Variants in RTN4 observed in about 807,000 individuals in gnomAD.
RTN4 encodes reticulon-4.
A neutral mutation model predicts 90.4 loss-of-function variants in RTN4; 32 were observed. The observed-to-expected ratio is 0.35, with a 90% CI of 0.27 to 0.48. The LOEUF (loss-of-function observed/expected upper bound fraction) is 0.48. Ranked by LOEUF, RTN4 falls within the 20% of genes least tolerant of loss-of-function variation. The pLI is 0.99. For missense variants in RTN4, 1,706 were observed against 1,430.2 expected (o/e 1.19, Z -3.11); for synonymous variants, 629 against 552.5 (o/e 1.14, Z -1.94).
intron 1 of RTN4, among the ~76,000 whole-genome samples, chr2:55,106,589 G>A (rs190945674): frequency 2.8e-4 from 43 of 151,986 alleles, no homozygotes; most frequent in East Asian, 1.4e-3. Context: ...GCGTGATCTC[G>A]GCTCACTGCA....
intron 1 of RTN4, among the ~76,000 whole-genome samples, chr2:55,087,351 G>C (rs1668859871): frequency 6.6e-6 from 1 of 152,186 alleles, no homozygotes; most frequent in Non-Finnish European, 1.5e-5. Context: ...GAGATTTCCA[G>C]TTGTTCCACT....
intron 5 of RTN4, among the ~76,000 whole-genome samples, chr2:54,978,696 G>A (rs2104622768): frequency 6.6e-6 from 1 of 152,062 alleles, no homozygotes; most frequent in East Asian, 1.9e-4. Context: ...CATTTTCCTA[G>A]CTATGAATCA....
chr2:54,993,817 A>G (rs191728645), intron 3 of RTN4, among the ~76,000 whole-genome samples: 71 of 152,334 alleles, frequency 4.7e-4, no homozygotes, highest in Middle Eastern at 3.4e-3. Flanking sequence ...AGTCACACAT[A>G]AGATAATATG....
chr2:55,038,858 C>G (rs1682869453), intron 1 of RTN4, among the ~76,000 whole-genome samples: 1 of 152,136 alleles, frequency 6.6e-6, no homozygotes, highest in Non-Finnish European at 1.5e-5. Flanking sequence ...TCCAAACATC[C>G]AACGAGTGAA....
At chr2:55,122,141 G>A in the RTN4 span, among the ~76,000 whole-genome samples, 23 of 151,932 alleles carry the variant, frequency 1.5e-4, no homozygotes, top group Admixed American at 4.6e-4. Flanking sequence ...GCCCCCTCTA[G>A]ATAATTTTTG....
At chr2:55,104,901 G>A (rs931989745) in intron 1 of RTN4, among the ~76,000 whole-genome samples, 1 of 151,742 alleles carries the variant, frequency 6.6e-6, no homozygotes, top group African/African-American at 2.4e-5. Flanking sequence ...CAACCTCTCG[G>A]GCTCAAGCGA....
At chr2:55,132,904 T>A in the RTN4 span, among the ~76,000 whole-genome samples, 44,288 of 149,768 alleles carry the variant, frequency 0.3, 7,409 homozygotes, top group African/African-American at 0.43. Flanking sequence ...TTGTTTTTTT[T>A]AATTATTATT....
chr2:55,069,205 GAA>G (rs918862129), intron 2 of RTN4, among the ~76,000 whole-genome samples: 8 of 152,118 alleles, frequency 5.3e-5, no homozygotes, highest in Admixed American at 5.2e-4. Context: ...ACCTAGCTCA[GAA>G]AAAAACCTAA....
chr2:54,998,660 A>G (rs1372351263), intron 3 of RTN4, among the ~76,000 whole-genome samples: 4 of 152,182 alleles, frequency 2.6e-5, no homozygotes, highest in Admixed American at 6.5e-5. Context: ...TTATATTCCC[A>G]TTACCTACAT....
intron 2 of RTN4, among the ~76,000 whole-genome samples, chr2:55,058,227 C>T (rs1475843085): frequency 6.6e-6 from 1 of 152,058 alleles, no homozygotes; most frequent in East Asian, 1.9e-4. Flanking sequence ...AATTAATCTT[C>T]TATTCTTTAG....
intron 3 of RTN4, among the ~76,000 whole-genome samples, chr2:55,011,005 G>C (rs190765406): frequency 1.4e-4 from 21 of 152,206 alleles, no homozygotes; most frequent in Non-Finnish European, 2.6e-4. Flanking sequence ...ATGGGAAAAT[G>C]ACATAAAAGC....
At position 55,108,470 on chromosome 2, in the gene RTN4, T is replaced by C. The variant is rs115749111; in HGVS notation, c.-214+4050A>G. Among the ~76,000 whole-genome samples, 163 of 152,074 alleles carry C rather than the reference T, an allele frequency of 1.1e-3. 2 individuals are homozygous for C. The highest frequency in any genetic ancestry group is 3.7e-3 in the African/African-American group (154 of 41,432). On this transcript the variant is annotated intron_variant, in intron 1 of 3. Transcript: ENST00000427710. ...GAATTCCACTCAGGGTGAATGATAA[T>C]ATTGAGAACTGAGGGTTTAGTAGGT...
the RTN4 span, among the ~76,000 whole-genome samples, chr2:55,130,766 T>G: frequency 6.6e-6 from 1 of 152,118 alleles, no homozygotes; most frequent in Non-Finnish European, 1.5e-5. Context: ...GAGAGGTAAT[T>G]TGCCTGAGGT....
chr2:55,046,613 T>C (rs1667750522), intron 1 of RTN4, among the ~76,000 whole-genome samples: 1 of 152,226 alleles, frequency 6.6e-6, no homozygotes, highest in Non-Finnish European at 1.5e-5. Context: ...TTTATTTATG[T>C]GCTTATTATC....
the RTN4 span, among the ~76,000 whole-genome samples, chr2:55,135,632 T>A: frequency 6.6e-6 from 1 of 152,176 alleles, no homozygotes; most frequent in East Asian, 1.9e-4. Context: ...ACTTGGTAAG[T>A]TTTGACATGT....
Position 55,058,903 on chromosome 2 carries a change from T to G in RTN4, c.-63+21586A>C, listed in dbSNP as rs190998219. Reference sequence around the variant, plus strand: ...AATTATAATAATAGAGAGGAGGGTCTCACTGTGTTGCCCAGGTTGGTCTTG... The same window carrying G: ...AATTATAATAATAGAGAGGAGGGTCGCACTGTGTTGCCCAGGTTGGTCTTG... On this transcript the variant is annotated intron_variant, in intron 2 of 3. Coordinates refer to the RTN4 transcript ENST00000427710. Among the ~76,000 whole-genome samples the G allele has an allele frequency of 7.2e-5, 11 of 152,242 alleles. No individual in the cohort carries two copies. The East Asian group carries it at 2.1e-3, about 29-fold the overall frequency.
chr2:55,000,621 A>G (rs990148041), intron 3 of RTN4, among the ~76,000 whole-genome samples: 2 of 152,198 alleles, frequency 1.3e-5, no homozygotes, highest in Non-Finnish European at 2.9e-5. Context: ...TATCTGCATT[A>G]CATATGTGAT....
chr2:55,098,423 C>T (rs763771379), intron 1 of RTN4, among the ~76,000 whole-genome samples: 1 of 151,934 alleles, frequency 6.6e-6, no homozygotes, highest in Non-Finnish European at 1.5e-5. Flanking sequence ...TAATAATAAA[C>T]CTCCAAATAC....
At chr2:54,988,469 T>G (rs981568711) in intron 3 of RTN4, among the ~76,000 whole-genome samples, 1 of 152,166 alleles carries the variant, frequency 6.6e-6, no homozygotes, top group East Asian at 1.9e-4. Flanking sequence ...AGAAAATAAA[T>G]TTAAAAAGGC....
Sources: gnomAD v4.1 joint callset for allele counts (sites outside exome capture counted in the v4.1 genomes callset) on GRCh38, gnomAD v4.1.1 for gene constraint, MANE v1.5 for transcripts, NCBI Gene and HGNC (gene_info 2026-07-23, HGNC 2026-07-21) for gene names.